The following PCDHA4 variants were observed in gnomAD, a reference collection of about 807,000 sequenced individuals.
The protein encoded by PCDHA4 is protocadherin alpha 4.
A neutral mutation model predicts 61.4 loss-of-function variants in PCDHA4; 49 were observed. That is an observed-to-expected ratio of 0.80 (90% CI 0.63 to 1.01). PCDHA4 has a LOEUF of 1.01. PCDHA4 is among the 50% of genes least tolerant of loss of function. The pLI, the probability that PCDHA4 is intolerant of heterozygous loss-of-function variation, is 0.00. For missense variants in PCDHA4, 1,254 were observed against 1,235.8 expected (o/e 1.01, Z -0.22); for synonymous variants, 590 against 550.3 (o/e 1.07, Z -1.01).
chr5:140,823,605 G>A (rs971039767), intron 1 of PCDHA4: 1 of 1,614,052 alleles, frequency 6.2e-7, no homozygotes, highest in Admixed American at 1.7e-5. Context: ...CGTATGAGCT[G>A]CAGCCAGCGC....
At chr5:140,942,541 G>C (rs1241528363) in intron 1 of PCDHA4, among the ~76,000 whole-genome samples, 1 of 152,056 alleles carries the variant, frequency 6.6e-6, no homozygotes, top group African/African-American at 2.4e-5. Context: ...CAGTATGGTG[G>C]GGGGTAGGGG....
intron 1 of PCDHA4, among the ~76,000 whole-genome samples, chr5:140,892,939 C>G (rs1583111138): frequency 6.6e-6 from 1 of 152,188 alleles, no homozygotes; most frequent in Non-Finnish European, 1.5e-5. Context: ...CTGATAAGCA[C>G]AATACTACTT....
intron 1 of PCDHA4, chr5:140,860,465 T>C (rs12657479): frequency 6.6e-6 from 1 of 152,098 alleles, no homozygotes; most frequent in Admixed American, 6.5e-5. Flanking sequence ...GATAATACAG[T>C]TGGTGCAGTA....
intron 1 of PCDHA4, among the ~76,000 whole-genome samples, chr5:140,935,180 T>C (rs781934014): frequency 3.9e-5 from 6 of 152,214 alleles, no homozygotes; most frequent in Non-Finnish European, 7.3e-5. Flanking sequence ...TTATTGCTGC[T>C]GGGTCAGTTG....
chr5:141,009,863 A>G lies in PCDHA4; in HGVS notation c.2770A>G (p.Lys924Glu). 1 of 1,614,104 alleles carries G rather than the reference A, an allele frequency of 6.2e-7. No homozygotes were observed. Among genetic ancestry groups the G allele is most frequent in the Non-Finnish European group, 8.5e-7 (1 of 1,180,006 alleles). Residue 924 changes from lysine to glutamate, a missense_variant, in exon 4 of 4, where the codon AAA becomes GAA. Coordinates refer to ENST00000530339, the MANE Select transcript of PCDHA4 (RefSeq NM_018907.4). ...GKKEETKKKK[K>E]KKKGNKTQEK... ...AAAGGAGGAGACCAAGAAAAAGAAG[A>G]AAAAGAAGAAGGGTAACAAGACCCA...
intron 1 of PCDHA4, chr5:140,842,749 G>T (rs2150343608): frequency 5.6e-6 from 9 of 1,594,902 alleles, no homozygotes; most frequent in African/African-American, 5.4e-5. Flanking sequence ...ACATCTTCAC[G>T]GTGTCTGCGC....
At chr5:140,817,694 A>G (rs1766179696) in intron 1 of PCDHA4, 1 of 152,184 alleles carries the variant, frequency 6.6e-6, no homozygotes, top group South Asian at 2.1e-4. Context: ...CACACAGTAC[A>G]TTATTATCAT....
intron 1 of PCDHA4, among the ~76,000 whole-genome samples, chr5:140,914,439 T>G (rs1352001626): frequency 6.6e-6 from 1 of 152,192 alleles, no homozygotes; most frequent in Admixed American, 6.6e-5. Flanking sequence ...TCTTTTCCCA[T>G]GTCTTTATTT....
At chr5:140,903,845 C>T (rs2070659171) in intron 1 of PCDHA4, among the ~76,000 whole-genome samples, 1 of 152,006 alleles carries the variant, frequency 6.6e-6, no homozygotes, top group Admixed American at 6.6e-5. Context: ...TTTCATTTAT[C>T]TTAACAAATA....
intron 1 of PCDHA4, among the ~76,000 whole-genome samples, chr5:140,837,935 T>TC (rs1775325521): frequency 6.6e-6 from 1 of 151,856 alleles, no homozygotes; most frequent in Non-Finnish European, 1.5e-5. Flanking sequence ...TACCTTGGCC[T>TC]CCCAAAGTAT....
intron 1 of PCDHA4, among the ~76,000 whole-genome samples, chr5:140,855,209 T>C (rs951600231): frequency 6.7e-6 from 1 of 149,880 alleles, no homozygotes; most frequent in Non-Finnish European, 1.5e-5. Flanking sequence ...TAGTTTCCAT[T>C]TATGAAGCAC....
intron 1 of PCDHA4, among the ~76,000 whole-genome samples, chr5:140,936,196 G>A (rs1251323087): frequency 1.3e-5 from 2 of 152,072 alleles, no homozygotes; most frequent in African/African-American, 4.8e-5. Flanking sequence ...CCCAGCCAAA[G>A]TTGTCTTTTT....
At chr5:140,948,519 CTA>C (rs2094266581) in intron 1 of PCDHA4, among the ~76,000 whole-genome samples, 1 of 151,476 alleles carries the variant, frequency 6.6e-6, no homozygotes, top group African/African-American at 2.4e-5. Context: ...AATGTTAACA[CTA>C]TTTATATTTT....
chr5:140,985,236 C>G (rs1338808702), intron 3 of PCDHA4, among the ~76,000 whole-genome samples: 1 of 152,184 alleles, frequency 6.6e-6, no homozygotes, highest in Admixed American at 6.5e-5. Context: ...CGCGCCTGGC[C>G]TAATCTTCTT....
chr5:140,841,990 A>C (rs1422352219), intron 1 of PCDHA4: 1 of 1,613,690 alleles, frequency 6.2e-7, no homozygotes, highest in African/African-American at 1.3e-5. Flanking sequence ...CTGAGCTCAC[A>C]GGCACTGTTC....
At position 140,873,044 on chromosome 5, in the gene PCDHA4, A is replaced by T. The variant is rs115529200; in HGVS notation, c.2385+63472A>T. Among the ~76,000 whole-genome samples, 1,019 of 152,290 alleles carry T rather than the reference A, an allele frequency of 6.7e-3. 5 individuals are homozygous for T. Among genetic ancestry groups the T allele is most frequent in the Admixed American group, 0.012 (189 of 15,302 alleles). On this transcript the variant is annotated intron_variant, in intron 1 of 3. Coordinates refer to ENST00000530339, the MANE Select transcript of PCDHA4 (RefSeq NM_018907.4). ...TTCTTACTACACGTAGAGTGGTGGT[A>T]TTACAGACTTTCTTGAGAATCATAT...
intron 1 of PCDHA4, chr5:140,881,303 C>G (rs2058657354): frequency 2.1e-6 from 2 of 962,486 alleles, no homozygotes; most frequent in African/African-American, 1.8e-5. Flanking sequence ...GAAACTTTAA[C>G]CTCCTGGTTA....
intron 1 of PCDHA4, among the ~76,000 whole-genome samples, chr5:140,944,351 C>A (rs530648518): frequency 6.6e-6 from 1 of 152,198 alleles, no homozygotes; most frequent in South Asian, 2.1e-4. Context: ...CCACACCTGG[C>A]TAATTTTTAA....
intron 1 of PCDHA4, chr5:140,858,330 G>A: frequency 6.3e-7 from 1 of 1,596,082 alleles, no homozygotes. Context: ...TCTGGGGAGG[G>A]CCTGCCCAAG....
Sources: allele counts gnomAD v4.1 joint callset (sites outside exome capture counted in the v4.1 genomes callset), GRCh38; gene constraint gnomAD v4.1.1; transcripts MANE v1.5; gene names NCBI Gene and HGNC (gene_info 2026-07-23, HGNC 2026-07-21).